Variants in IQUB observed in about 807,000 individuals in gnomAD.
IQUB encodes the protein IQ motif and ubiquitin-like domain-containing protein.
Under a neutral mutation model 86.4 loss-of-function variants are expected in IQUB, and 86 were observed. The observed-to-expected ratio is 1.00, with a 90% CI of 0.84 to 1.19. IQUB has a LOEUF of 1.19. IQUB is among the 50% of genes most tolerant of loss of function. The probability of loss-of-function intolerance (pLI) is 0.00; values close to 1 mark genes in which losing one functional copy is unlikely to be tolerated. For missense variants in IQUB, 946 were observed against 916.9 expected (o/e 1.03, Z -0.41); for synonymous variants, 289 against 304.5 (o/e 0.95, Z 0.53).
At chr7:123,518,264 T>A (rs1047768117) in intron 1 of IQUB, among the ~76,000 whole-genome samples, 3 of 152,158 alleles carry the variant, frequency 2.0e-5, no homozygotes, top group Non-Finnish European at 4.4e-5. Flanking sequence ...ACAGTACTAC[T>A]GCAACAGTCT....
chr7:123,504,686 C>A (rs947053872), intron 3 of IQUB, among the ~76,000 whole-genome samples: 1 of 152,142 alleles, frequency 6.6e-6, no homozygotes. Context: ...CACCCATGAT[C>A]CATTCGCCTC....
intron 1 of IQUB, among the ~76,000 whole-genome samples, chr7:123,523,504 T>G (rs1797015618): frequency 6.6e-6 from 1 of 152,204 alleles, no homozygotes. Flanking sequence ...ATGTCTTCTT[T>G]TGAGAAGTGT....
intron 6 of IQUB, among the ~76,000 whole-genome samples, chr7:123,497,555 A>G (rs1434781174): frequency 6.6e-6 from 1 of 152,016 alleles, no homozygotes; most frequent in Non-Finnish European, 1.5e-5. Context: ...AAACCCTCAA[A>G]AAGTTTATGA....
intron 1 of IQUB, among the ~76,000 whole-genome samples, chr7:123,512,752 A>G (rs1273468164): frequency 6.6e-6 from 1 of 152,156 alleles, no homozygotes; most frequent in Admixed American, 6.5e-5. Flanking sequence ...TAGCAAGTGT[A>G]CCCTGAACAG....
At chr7:123,486,728 C>G (rs1347507821) in intron 7 of IQUB, among the ~76,000 whole-genome samples, 1 of 151,966 alleles carries the variant, frequency 6.6e-6, no homozygotes. Flanking sequence ...TTTAATTTGC[C>G]CTTTACTCTC....
chr7:123,524,630 A>G (rs1251886956), intron 1 of IQUB, among the ~76,000 whole-genome samples: 1 of 151,140 alleles, frequency 6.6e-6, no homozygotes, highest in African/African-American at 2.4e-5. Flanking sequence ...TAGATATACA[A>G]TCATGTCGTC....
intron 1 of IQUB, among the ~76,000 whole-genome samples, chr7:123,513,946 G>A (rs540558908): frequency 6.6e-6 from 1 of 152,274 alleles, no homozygotes; most frequent in Admixed American, 6.5e-5. Context: ...ATGATACCCA[G>A]CCAGGAAAAA....
chr7:123,473,567 TTTTTTTG>T (rs939783715), intron 8 of IQUB, among the ~76,000 whole-genome samples: 340 of 152,074 alleles, frequency 2.2e-3, no homozygotes, highest in South Asian at 4.2e-3. Flanking sequence ...AGTTCTTTTG[TTTTTTTG>T]TTTTTTGTTT....
chr7:123,512,531 A>G (rs1001216602), intron 1 of IQUB, among the ~76,000 whole-genome samples, 187 bp from the exon 2 acceptor site: 7 of 152,138 alleles, frequency 4.6e-5, no homozygotes, highest in African/African-American at 1.2e-4. Context: ...ATTTGACAAT[A>G]CTCTGCAAAG....
intron 7 of IQUB, among the ~76,000 whole-genome samples, chr7:123,491,220 A>G (rs1205522196): frequency 6.6e-6 from 1 of 152,180 alleles, no homozygotes; most frequent in East Asian, 1.9e-4. Flanking sequence ...CTGAAGCAGT[A>G]CTTAAGGGAA....
At chr7:123,462,680 T>C (rs893920262) in intron 10 of IQUB, 7 of 286,978 alleles carry the variant, frequency 2.4e-5, no homozygotes, top group African/African-American at 1.3e-4. Flanking sequence ...GATTTACACA[T>C]TTTGTTTATC....
At chr7:123,475,547 A>C (rs906724706) in intron 8 of IQUB, among the ~76,000 whole-genome samples, 1 of 152,180 alleles carries the variant, frequency 6.6e-6, no homozygotes, top group African/African-American at 2.4e-5. Context: ...ATGTTTACAG[A>C]CAATGCTAGA....
intron 2 of IQUB, among the ~76,000 whole-genome samples, chr7:123,511,134 A>G (rs1796395850): frequency 6.6e-6 from 1 of 152,118 alleles, no homozygotes. Context: ...ACTTATATGG[A>G]CACATCACAC....
intron 8 of IQUB, among the ~76,000 whole-genome samples, chr7:123,474,306 T>C (rs1167812271): frequency 6.6e-6 from 1 of 152,200 alleles, no homozygotes; most frequent in Non-Finnish European, 1.5e-5. Context: ...AATTTTGACA[T>C]CTGAAAAAAC....
chr7:123,460,007 T>A (rs912035636), intron 11 of IQUB, among the ~76,000 whole-genome samples: 2 of 151,910 alleles, frequency 1.3e-5, no homozygotes, highest in African/African-American at 2.4e-5. Context: ...ATAGAAAATA[T>A]CAGAGTACAT....
intron 3 of IQUB, among the ~76,000 whole-genome samples, chr7:123,505,802 T>C (rs1015072164): frequency 6.6e-6 from 1 of 152,254 alleles, no homozygotes; most frequent in South Asian, 2.1e-4. Context: ...TTTTATTATA[T>C]AAATTTTGCA....
At chr7:123,460,856 T>A (rs1353387591) in intron 11 of IQUB, among the ~76,000 whole-genome samples, 1 of 151,738 alleles carries the variant, frequency 6.6e-6, no homozygotes, top group African/African-American at 2.4e-5. Context: ...GCAGATTACG[T>A]AGGGTCAATG....
intron 12 of IQUB, among the ~76,000 whole-genome samples, chr7:123,456,158 A>T (rs1344371318): frequency 1.3e-5 from 2 of 152,100 alleles, no homozygotes; most frequent in African/African-American, 4.8e-5. Context: ...CCTTTACAGA[A>T]ATTCGATAAG....
intron 6 of IQUB, among the ~76,000 whole-genome samples, chr7:123,497,746 G>A (rs1221487859): frequency 1.3e-5 from 2 of 149,992 alleles, no homozygotes; most frequent in East Asian, 3.9e-4. Context: ...AGCAGATATC[G>A]ACAAAGATAC....
Sources: gnomAD v4.1 joint callset for allele counts (sites outside exome capture counted in the v4.1 genomes callset) on GRCh38, gnomAD v4.1.1 for gene constraint, MANE v1.5 for transcripts, NCBI Gene and HGNC (gene_info 2026-07-23, HGNC 2026-07-21) for gene names.